Variants in MTMR9 observed in about 807,000 individuals in gnomAD.
MTMR9 encodes the protein myotubularin-related protein 9.
A neutral mutation model predicts 69.5 loss-of-function variants in MTMR9; 39 were observed. That is an observed-to-expected ratio of 0.56 (90% CI 0.43 to 0.73). The LOEUF (loss-of-function observed/expected upper bound fraction) is 0.73. MTMR9 is among the 30% of genes least tolerant of loss of function. The pLI is 0.00. For missense variants in MTMR9, 900 were observed against 671.2 expected, an observed-to-expected ratio of 1.34 and a Z score of -3.77; for synonymous variants, 354 against 240.8, an observed-to-expected ratio of 1.47 and a Z score of -4.35.
At position 11,309,628 on chromosome 8, in the gene MTMR9, G is replaced by A; in HGVS notation, c.911G>A (p.Trp304Ter). Reference protein sequence around the residue: ...RWLSKLEASNWLTHIKEILTT... With the variant: ...RWLSKLEASN ...CTCAGTAAATTGGAGGCCTCTAACT[G>A]GCTGACTCACATCAAAGAGATTCTG... Residue 304 changes from tryptophan to a stop codon, truncating the protein, a stop_gained, in exon 6 of 10, where the codon TGG becomes TAG. Transcript: ENST00000221086. LOFTEE classifies it high-confidence loss of function. 1 of 1,613,968 alleles carries A rather than the reference G, an allele frequency of 6.2e-7. No individual in the cohort carries two copies. Among genetic ancestry groups the A allele is most frequent in the Non-Finnish European group, 8.5e-7 (1 of 1,179,884 alleles).
intron 6 of MTMR9, among the ~76,000 whole-genome samples, chr8:11,311,216 A>G (rs188045604): frequency 1.8e-4 from 27 of 152,364 alleles, no homozygotes; most frequent in African/African-American, 6.3e-4. Context: ...TAGCCTAACC[A>G]TAAGTGACTT....
At chr8:11,336,948 G>A in the MTMR9 span, among the ~76,000 whole-genome samples, 61,659 of 151,936 alleles carry the variant, frequency 0.41, 14,099 homozygotes, top group East Asian at 0.74. Context: ...GAGTACCTCA[G>A]GTTGCCGGAG....
chr8:11,315,116 C>T (rs1476185266), intron 7 of MTMR9, 52 bp downstream of exon 7: 2 of 1,586,258 alleles, frequency 1.3e-6, no homozygotes, highest in Non-Finnish European at 1.7e-6. Flanking sequence ...TGCTGTGATC[C>T]TGCTTTGTGT....
At chr8:11,300,979 T>C (rs974019162) in intron 3 of MTMR9, among the ~76,000 whole-genome samples, 2 of 152,214 alleles carry the variant, frequency 1.3e-5, no homozygotes, top group Non-Finnish European at 2.9e-5. Flanking sequence ...AACTCTGCTG[T>C]TGTTGCATGA....
intron 6 of MTMR9, among the ~76,000 whole-genome samples, chr8:11,312,539 T>C (rs899180547): frequency 6.6e-6 from 1 of 152,220 alleles, no homozygotes; most frequent in African/African-American, 2.4e-5. Flanking sequence ...ATTCTAGTTC[T>C]TTTGCTATTT....
Position 11,323,352 on chromosome 8 carries a change from C to G in MTMR9, c.*564C>G, listed in dbSNP as rs975485966. The G allele has an allele frequency of 6.6e-6, 1 of 152,182 alleles. No homozygotes were observed. The highest frequency in any genetic ancestry group is 2.4e-5 in the African/African-American group (1 of 41,448). The allele number at this position is 152,182 out of a possible 1,614,324, so 9.4% of individuals were successfully genotyped here. ...AACGAAGCTGAAATCTATTCTCATT[C>G]TTGTTTGTCAAGAAAGGAAAATCTG... is the stretch of plus-strand genomic sequence containing the variant. On this transcript the variant is annotated 3_prime_UTR_variant, in exon 10 of 10. Transcript: ENST00000221086.
rs186201539 is a variant in MTMR9, at chr8:11,323,780, T to G, written c.*992T>G. 2 of 152,354 alleles carry G rather than the reference T, an allele frequency of 1.3e-5. No individual in the cohort carries two copies. The highest frequency in any genetic ancestry group is 3.9e-4 in the East Asian group (2 of 5,192). The allele number at this position is 152,354 out of a possible 1,614,324, so 9.4% of individuals were successfully genotyped here. A position where few individuals can be genotyped will look rare whatever the true frequency, so the allele number is the denominator to read the frequency against. On this transcript the variant is annotated 3_prime_UTR_variant, in exon 10 of 10. Coordinates refer to ENST00000221086, the MANE Select transcript of MTMR9 (RefSeq NM_015458.4). ...TTTCCTAATACTAAGGTTAAAATTT[T>G]CATGTTGACCTGAGCCTTTTGCAAA...
In MTMR9 at chr8:11,327,876, T is replaced by A. The variant is rs1005753874; in HGVS notation, c.*5088T>A. 32 of 152,582 alleles carry A rather than the reference T, an allele frequency of 2.1e-4. No homozygotes were observed. The highest frequency in any genetic ancestry group is 2.0e-3 in the Admixed American group (31 of 15,274). 9.5% of individuals were successfully genotyped at this position (152,582 alleles called of 1,614,324 possible). A position where few individuals can be genotyped will look rare whatever the true frequency, so the allele number is the denominator to read the frequency against. On this transcript the variant is annotated 3_prime_UTR_variant, in exon 10 of 10. Transcript: ENST00000221086. ...AAAAAGCAGAACTTTTGTAAGTCTG[T>A]GTAACATTTTAATATTGTTTGTAAT...
intron 2 of MTMR9, chr8:11,299,003 T>C: frequency 1.9e-6 from 1 of 534,730 alleles, no homozygotes; most frequent in Non-Finnish European, 2.4e-6. Context: ...AAATGAACAT[T>C]GATGGAATTT....
intron 1 of MTMR9, among the ~76,000 whole-genome samples, chr8:11,289,138 C>T (rs1225459143): frequency 2.0e-5 from 3 of 152,212 alleles, no homozygotes; most frequent in Non-Finnish European, 4.4e-5. Context: ...CACCACTGAA[C>T]TCCACCCTGG....
chr8:11,288,233 A>G (rs1799253368), intron 1 of MTMR9, among the ~76,000 whole-genome samples: 1 of 126,530 alleles, frequency 7.9e-6, no homozygotes, highest in African/African-American at 3.2e-5. Context: ...ATTATAATAT[A>G]TAATAATAAT....
intron 5 of MTMR9, among the ~76,000 whole-genome samples, chr8:11,308,114 C>T (rs146794442): frequency 6.6e-6 from 1 of 152,204 alleles, no homozygotes; most frequent in African/African-American, 2.4e-5. Context: ...ATAACTTTTC[C>T]CAGACCAATG....
intron 2 of MTMR9, among the ~76,000 whole-genome samples, chr8:11,295,579 C>G (rs1799526187): frequency 6.6e-6 from 1 of 152,250 alleles, no homozygotes; most frequent in South Asian, 2.1e-4. Context: ...TCCATGAGTT[C>G]ATATTGGTTA....
At chr8:11,321,163 C>A (rs921145470) in intron 9 of MTMR9, 13 of 228,650 alleles carry the variant, frequency 5.7e-5, no homozygotes, top group Non-Finnish European at 9.9e-5. Flanking sequence ...CTAATCTTAT[C>A]TATTGAAGTG....
At chr8:11,334,935 C>G in the MTMR9 span, among the ~76,000 whole-genome samples, 1 of 152,170 alleles carries the variant, frequency 6.6e-6, no homozygotes, top group African/African-American at 2.4e-5. Context: ...AGTGGAACTT[C>G]CTCAATTTGA....
In MTMR9 at chr8:11,314,967, C is replaced by T. The variant is rs563581834; in HGVS notation, c.1016C>T (p.Ser339Phe). 4 of 1,614,008 alleles carry T rather than the reference C, an allele frequency of 2.5e-6. No individual in the cohort carries two copies. The South Asian group carries it at 4.4e-5, about 18-fold the overall frequency. ...ATTCACGGAACAGAAGGAACTGATT[C>T]CACACTCCAGGTGACCTCCTTGGCC... ...ILIHGTEGTD[S>F]TLQVTSLAQI... Residue 339 changes from serine to phenylalanine, a missense_variant, in exon 7 of 10, where the codon TCC becomes TTC. Ser to Phe is a radical substitution (Grantham distance 155, BLOSUM62 -2). Coordinates refer to ENST00000221086, the MANE Select transcript of MTMR9 (RefSeq NM_015458.4).
chr8:11,337,015 G>A, the MTMR9 span, among the ~76,000 whole-genome samples: 4 of 152,146 alleles, frequency 2.6e-5, no homozygotes, highest in Non-Finnish European at 4.4e-5. Flanking sequence ...AAGAAAAAAT[G>A]GTAATCTGCA....
chr8:11,289,451 T>C (rs1274531040), intron 1 of MTMR9, among the ~76,000 whole-genome samples: 1 of 152,190 alleles, frequency 6.6e-6, no homozygotes, highest in Non-Finnish European at 1.5e-5. Flanking sequence ...CCTTTCAACA[T>C]GCAAGGTTGT....
chr8:11,296,565 C>A (rs1799570549), intron 2 of MTMR9, among the ~76,000 whole-genome samples: 1 of 152,148 alleles, frequency 6.6e-6, no homozygotes. Flanking sequence ...TCCTGAGAAC[C>A]CCCATTCTAC....
Sources: allele counts gnomAD v4.1 joint callset (sites outside exome capture counted in the v4.1 genomes callset), GRCh38; gene constraint gnomAD v4.1.1; transcripts MANE v1.5; gene names NCBI Gene and HGNC (gene_info 2026-07-23, HGNC 2026-07-21).